CSDE1: variants seen among roughly 807,000 people sequenced by gnomAD.
CSDE1 encodes the protein cold shock domain-containing protein E1.
Under a neutral mutation model 89.3 loss-of-function variants are expected in CSDE1, and 17 were observed. The observed-to-expected ratio is 0.19, with a 90% CI of 0.13 to 0.29. CSDE1 has a LOEUF of 0.29. Among genes scored for constraint, CSDE1 ranks in the 10% least tolerant of loss-of-function variants. The pLI is 1.00. For missense variants in CSDE1, 672 were observed against 984.2 expected (o/e 0.68, Z 4.24); for synonymous variants, 322 against 332.8 (o/e 0.97, Z 0.35).
chr1:114,739,141 C>T (rs1660579597), intron 3 of CSDE1, among the ~76,000 whole-genome samples: 1 of 152,080 alleles, frequency 6.6e-6, no homozygotes, highest in African/African-American at 2.4e-5. Context: ...ACACCATTCT[C>T]CTGCTTCAGC....
At chr1:114,748,320 T>C (rs1172868819) in intron 2 of CSDE1, 1 of 152,252 alleles carries the variant, frequency 6.6e-6, no homozygotes, top group African/African-American at 2.4e-5. Context: ...CTGACTTCTA[T>C]GTCTTTGCTC....
At chr1:114,746,224 T>TA (rs2101074310) in intron 2 of CSDE1, among the ~76,000 whole-genome samples, 1 of 152,356 alleles carries the variant, frequency 6.6e-6, no homozygotes, top group South Asian at 2.1e-4. Context: ...AATTATTCAT[T>TA]AAAGTGCATT....
intron 6 of CSDE1, among the ~76,000 whole-genome samples, chr1:114,735,637 A>G (rs753398622): frequency 3.9e-5 from 6 of 152,186 alleles, no homozygotes; most frequent in Non-Finnish European, 8.8e-5. Context: ...CAAGAAAGAG[A>G]TAAGGTTCAA....
Position 114,730,268 on chromosome 1 carries a change from C to T in CSDE1, c.1346G>A (p.Gly449Asp). 1.2e-6 allele frequency: 2 copies of T among 1,612,380 alleles called. No individual in the cohort carries two copies. Among genetic ancestry groups the T allele is most frequent in the Non-Finnish European group, 8.5e-7 (1 of 1,179,606 alleles). The change falls in exon 12 of 20, where the codon GGC becomes GAC. Residue 449 changes from glycine (G) to aspartate (D), a missense_variant. Transcript: ENST00000358528. ...TTATGCAAAACCTACCTTCTCTTTG[C>T]CTTTATTTGGGCTAGTGGTTTTAGG... ...SNPKTTSPNK[G>D]KEKEAEDGII...
chr1:114,732,761 G>A lies in CSDE1; in HGVS notation c.893C>T (p.Pro298Leu). 1.2e-6 allele frequency: 2 copies of A among 1,614,124 alleles called. No homozygotes were observed. The highest frequency in any genetic ancestry group is 1.1e-5 in the South Asian group (1 of 91,080). ...GGATTTCGTATCTTTGTCTCCAAAG[G>A]GAAGTTCTTTAGGGATCACAAAGTC... ...KVDFVIPKEL[P>L]FGDKDTKSKV... The change falls in exon 10 of 20, where the codon CCC becomes CTC. Residue 298 changes from proline to leucine, a missense_variant. This residue lies in a region of CSDE1 where 169 missense variants were observed against 262.9 expected (regional missense o/e 0.64). Coordinates refer to ENST00000358528, the MANE Select transcript of CSDE1 (RefSeq NM_001007553.3).
At chr1:114,757,678 T>C (rs1035459150) in intron 1 of CSDE1, among the ~76,000 whole-genome samples, 1 of 151,852 alleles carries the variant, frequency 6.6e-6, no homozygotes, top group South Asian at 2.1e-4. Flanking sequence ...CCACCACCAC[T>C]ACCACCACGC....
In CSDE1 at chr1:114,738,133, C is replaced by T. The variant is rs1660510186; in HGVS notation, c.200-61G>A. The stretch of plus-strand genomic sequence containing the variant: ...ATTTTTGCGAAACGATATATTGCTT[C>T]CAAGCTATACTTAACATAGCATTTG... On this transcript the variant is annotated intron_variant, in intron 3 of 19. Transcript: ENST00000358528. The T allele has an allele frequency of 2.4e-6, 3 of 1,228,728 alleles. No homozygotes were observed. In the Admixed American group the frequency reaches 5.0e-5, roughly 21 times the overall value. The allele number at this position is 1,228,728 out of a possible 1,614,324, so 76.1% of individuals were successfully genotyped here.
chr1:114,726,377 T>C lies in CSDE1; in HGVS notation c.1474A>G (p.Ser492Gly). The C allele has an allele frequency of 6.2e-7, 1 of 1,607,494 alleles. No homozygotes were observed. Among genetic ancestry groups the C allele is most frequent in the Non-Finnish European group, 8.5e-7 (1 of 1,177,576 alleles). ...SPQIGDKVEF[S>G]ISDKQRPGQQ... ...CCAGGCCTCTGTTTGTCACTAATAC[T>C]AAATTCAACCTGTGAAAATTAAGGA... Residue 492 changes from serine to glycine, a missense_variant, in exon 14 of 20, where the codon AGT (serine) becomes GGT (glycine). Transcript: ENST00000358528.
chr1:114,733,267 C>T (rs1660201932), intron 9 of CSDE1, among the ~76,000 whole-genome samples: 1 of 152,176 alleles, frequency 6.6e-6, no homozygotes, highest in African/African-American at 2.4e-5. Flanking sequence ...GTGGCTCATA[C>T]TTGTAATCCC....
chr1:114,719,766 AAG>A (rs914760437), intron 17 of CSDE1, 24 bp from the exon 18 acceptor site: 2 of 1,603,864 alleles, frequency 1.2e-6, no homozygotes, highest in Non-Finnish European at 1.7e-6. Flanking sequence ...GTAGGTAAAA[AAG>A]AGAGGGCATG....
chr1:114,723,479 G>A (rs1231091003), intron 16 of CSDE1, among the ~76,000 whole-genome samples: 1 of 152,144 alleles, frequency 6.6e-6, no homozygotes, highest in Non-Finnish European at 1.5e-5. Context: ...TATGTGTAGT[G>A]TAGGGGGGAA....
Position 114,737,137 on chromosome 1 carries a change from T to G in CSDE1, c.403-282A>C, listed in dbSNP as rs186020626. On this transcript the variant is annotated intron_variant, in intron 5 of 19. Transcript: ENST00000358528. ...TAGTTACATTTCAAAAAAACAATTT[T>G]ATATAAGGCATTCCAAACAAAAAAA... is the stretch of plus-strand genomic sequence containing the variant. Among the ~76,000 whole-genome samples, 5 of 152,104 alleles carry G rather than the reference T, an allele frequency of 3.3e-5. No homozygotes were observed. The East Asian group carries it at 9.7e-4, about 29-fold the overall frequency.
chr1:114,723,004 CTTTTT>C (rs1659610140), intron 16 of CSDE1, among the ~76,000 whole-genome samples: 1 of 152,048 alleles, frequency 6.6e-6, no homozygotes, highest in African/African-American at 2.4e-5. Context: ...ATCATCTTTT[CTTTTT>C]AAAATTTTTT....
intron 5 of CSDE1, 113 bp downstream of exon 5, chr1:114,737,358 T>G (rs1404873694): frequency 2.2e-6 from 2 of 916,020 alleles, no homozygotes; most frequent in African/African-American, 3.4e-5. Context: ...AGAAACCAAA[T>G]TTAAAACTGA....
chr1:114,718,199 T>A lies in CSDE1; in HGVS notation c.2367A>T (p.Arg789Ser). The A allele has an allele frequency of 6.2e-7, 1 of 1,614,160 alleles. No homozygotes were observed. Among genetic ancestry groups the A allele is most frequent in the Non-Finnish European group, 8.5e-7 (1 of 1,180,030 alleles). The change falls in exon 20 of 20, where the codon AGA (arginine) becomes AGT (serine). Residue 789 changes from arginine to serine, a missense_variant. This residue lies in a region of CSDE1 where 206 missense variants were observed against 332.4 expected (regional missense o/e 0.62). Transcript: ENST00000358528. Reference protein sequence around the residue: ...PDNSMGFGAERKIRQAGVID With the variant: ...PDNSMGFGAESKIRQAGVID Reference sequence around the variant, plus strand: ...CAATGACACCAGCTTGACGGATCTTTCTTTCTGCACCAAACCCCTGTGGGG... The same window carrying A: ...CAATGACACCAGCTTGACGGATCTTACTTTCTGCACCAAACCCCTGTGGGG...
chr1:114,720,886 A>G (rs931594980), intron 16 of CSDE1, among the ~76,000 whole-genome samples, 169 bp from the exon 17 acceptor site: 2 of 152,224 alleles, frequency 1.3e-5, no homozygotes, highest in African/African-American at 2.4e-5. Context: ...CCTAAATGTT[A>G]AATACTACCA....
chr1:114,722,942 T>A (rs1286030648), intron 16 of CSDE1, among the ~76,000 whole-genome samples: 1 of 152,236 alleles, frequency 6.6e-6, no homozygotes, highest in Non-Finnish European at 1.5e-5. Context: ...GCACTTTATG[T>A]TCGCTGACTC....
intron 15 of CSDE1, 66 bp downstream of exon 15, chr1:114,725,155 T>G: frequency 2.0e-5 from 25 of 1,240,432 alleles, no homozygotes; most frequent in Non-Finnish European, 2.9e-5. Context: ...CTCATCTCCC[T>G]CTACTACTCC....
At chr1:114,752,159 A>C (rs1661341911) in intron 1 of CSDE1, among the ~76,000 whole-genome samples, 3 of 152,170 alleles carry the variant, frequency 2.0e-5, no homozygotes, top group Admixed American at 6.5e-5. Flanking sequence ...TCAGCTACTT[A>C]GGACTGGGAA....
Sources: gnomAD v4.1 joint callset for allele counts (sites outside exome capture counted in the v4.1 genomes callset) on GRCh38, gnomAD v4.1.1 for gene constraint, gnomAD v4.1.1 regional missense constraint, MANE v1.5 for transcripts, NCBI Gene and HGNC (gene_info 2026-07-23, HGNC 2026-07-21) for gene names.